FHOD3: variants seen among roughly 807,000 people sequenced by gnomAD.
The protein encoded by FHOD3 is formin homology 2 domain containing 3, also known as FH1/FH2 domain-containing protein 3.
A neutral mutation model predicts 173.0 loss-of-function variants in FHOD3; 90 were observed. The ratio of observed to expected loss-of-function variants is 0.52; its 90% CI spans 0.44 to 0.62. FHOD3 has a LOEUF of 0.62. FHOD3 is among the 20% of genes least tolerant of loss of function. The pLI is 0.00. For missense variants in FHOD3, 1,945 were observed against 2,034.7 expected (o/e 0.96, Z 0.85); for synonymous variants, 828 against 823.0 (o/e 1.01, Z -0.10).
At chr18:36,428,644 T>C (rs1315284995) in intron 3 of FHOD3, among the ~76,000 whole-genome samples, 5 of 152,216 alleles carry the variant, frequency 3.3e-5, no homozygotes, top group African/African-American at 1.2e-4. Context: ...TCTCATCCCT[T>C]CTTTTCCTAG....
intron 14 of FHOD3, among the ~76,000 whole-genome samples, chr18:36,675,384 A>G (rs1236722104): frequency 6.8e-6 from 1 of 147,026 alleles, no homozygotes; most frequent in Non-Finnish European, 1.5e-5. Flanking sequence ...CTCCTTCTCT[A>G]TTTTATCCTC....
intron 7 of FHOD3, among the ~76,000 whole-genome samples, chr18:36,597,617 G>A (rs540035753): frequency 3.3e-5 from 5 of 152,010 alleles, no homozygotes; most frequent in Non-Finnish European, 7.4e-5. Flanking sequence ...TAGTAGAGAT[G>A]GGCTTTCACC....
At chr18:36,473,378 C>A (rs961444915) in intron 3 of FHOD3, among the ~76,000 whole-genome samples, 3 of 152,218 alleles carry the variant, frequency 2.0e-5, no homozygotes, top group Non-Finnish European at 4.4e-5. Flanking sequence ...TGTGCCACTG[C>A]ACTCCAGCCT....
chr18:36,649,242 C>G, intron 10 of FHOD3, 74 bp from the exon 11 acceptor site: 1 of 987,648 alleles, frequency 1.0e-6, no homozygotes, highest in Non-Finnish European at 1.5e-6. Context: ...CTTCATCTTC[C>G]TGTTTGTCTG....
chr18:36,576,433 T>C lies in FHOD3; in HGVS notation c.512-18T>C. On this transcript the variant is annotated intron_variant, in intron 5 of 28. Transcript: ENST00000590592. Reference sequence around the variant, plus strand: ...TATATACATCTATAATGTCTCCTTTTTCTCTTGTTTTCTGTAGCTTTGGGC... The same window carrying C: ...TATATACATCTATAATGTCTCCTTTCTCTCTTGTTTTCTGTAGCTTTGGGC... 1 of 1,585,788 alleles carries C rather than the reference T, an allele frequency of 6.3e-7. No homozygotes were observed. Among genetic ancestry groups the C allele is most frequent in the Non-Finnish European group, 8.6e-7 (1 of 1,157,992 alleles).
intron 3 of FHOD3, among the ~76,000 whole-genome samples, chr18:36,451,571 C>T (rs1195397568): frequency 1.3e-5 from 2 of 152,352 alleles, no homozygotes; most frequent in Admixed American, 6.5e-5. Flanking sequence ...TAGATTGACT[C>T]AGCCAGTCTG....
Position 36,718,281 on chromosome 18 carries a change from A to G in FHOD3, c.2983A>G (p.Met995Val), listed in dbSNP as rs765195457. Residue 995 changes from methionine to valine, a missense_variant, in exon 19 of 29, where the codon ATG becomes GTG. Transcript: ENST00000590592. The part of the protein sequence containing the change: ...ANPRELRIQD[M>V]DFTDLGEEDD... Reference sequence around the variant, plus strand: ...TCCAAGAGAGCTCAGAATCCAAGACATGGATTTCACTGACCTGGGGGAGGA... The same window carrying G: ...TCCAAGAGAGCTCAGAATCCAAGACGTGGATTTCACTGACCTGGGGGAGGA... 2.5e-6 allele frequency: 4 copies of G among 1,614,138 alleles called. No homozygotes were observed. The South Asian group carries it at 4.4e-5, about 18-fold the overall frequency.
chr18:36,538,380 A>C (rs927640404), intron 5 of FHOD3, among the ~76,000 whole-genome samples: 48 of 152,360 alleles, frequency 3.2e-4, no homozygotes, highest in African/African-American at 1.0e-3. Context: ...AATCAAATGA[A>C]GTTGATTGTT....
chr18:36,705,980 TGTGTGTGTGTGC>T (rs1913062239), intron 17 of FHOD3, among the ~76,000 whole-genome samples: 1 of 135,730 alleles, frequency 7.4e-6, no homozygotes, highest in African/African-American at 2.6e-5. Context: ...TGTGTGTGTG[TGTGTGTGTGTGC>T]ACGGAGAGAA....
intron 19 of FHOD3, among the ~76,000 whole-genome samples, chr18:36,727,699 G>T (rs993967564): frequency 2.0e-5 from 3 of 152,120 alleles, no homozygotes; most frequent in Non-Finnish European, 2.9e-5. Context: ...ACTGAGAATG[G>T]GGCCAAGGGC....
At chr18:36,562,026 GTAT>G (rs2058103590) in intron 5 of FHOD3, among the ~76,000 whole-genome samples, 1 of 137,246 alleles carries the variant, frequency 7.3e-6, no homozygotes, top group African/African-American at 2.8e-5. Context: ...GTATTGTATT[GTAT>G]TTTTTGAGAT....
In FHOD3 at chr18:36,450,484, T is replaced by A. The variant is rs981441647; in HGVS notation, c.338-51448T>A. 1.2e-4 allele frequency among the ~76,000 whole-genome samples: 17 copies of A among 145,104 alleles called. No homozygotes were observed. In the East Asian group the frequency reaches 2.5e-3, roughly 21 times the overall value. On this transcript the variant is annotated intron_variant, in intron 3 of 28. Transcript: ENST00000590592. ...ATTTATTTATTTATTTATTTATTTA[T>A]TTAATTTTTAAAGAAAACTCCCTGA...
chr18:36,718,070 G>A lies in FHOD3; in HGVS notation c.2772G>A (p.Arg924=). The A allele has an allele frequency of 6.3e-7, 1 of 1,599,436 alleles. No individual in the cohort carries two copies. Among genetic ancestry groups the A allele is most frequent in the Non-Finnish European group, 8.5e-7 (1 of 1,171,944 alleles). ...CTCAGACCCAGGATGAGAGTGTCAG[G>A]AGGGTGGATGTCGGCTGTTTGGACA... ...ANSQTQDESV[R]RVDVGCLDNR... The change falls in exon 19 of 29, where the codon AGG becomes AGA. Residue 924 remains arginine, a synonymous_variant. Coordinates refer to ENST00000590592, the MANE Select transcript of FHOD3 (RefSeq NM_001281740.3).
chr18:36,755,346 C>G, intron 25 of FHOD3, 35 bp downstream of exon 25: 1 of 1,305,272 alleles, frequency 7.7e-7, no homozygotes, highest in Admixed American at 2.7e-5. Flanking sequence ...TTATGTCATT[C>G]GTTTTCAAAG....
At chr18:36,595,110 A>G (rs1462040930) in intron 7 of FHOD3, among the ~76,000 whole-genome samples, 1 of 152,160 alleles carries the variant, frequency 6.6e-6, no homozygotes, top group Non-Finnish European at 1.5e-5. Flanking sequence ...TCATGAGCTT[A>G]CCTGGGAGAG....
At chr18:36,657,147 T>C (rs2036481535) in intron 13 of FHOD3, among the ~76,000 whole-genome samples, 1 of 152,244 alleles carries the variant, frequency 6.6e-6, no homozygotes, top group Admixed American at 6.5e-5. Context: ...CTTTGTGTCC[T>C]TATAGTGACT....
intron 27 of FHOD3, among the ~76,000 whole-genome samples, chr18:36,761,558 T>A (rs1385703296): frequency 1.3e-5 from 2 of 152,074 alleles, no homozygotes; most frequent in Non-Finnish European, 2.9e-5. Flanking sequence ...CCGCGGCGCT[T>A]CTCCGCACGC....
chr18:36,303,650 C>G (rs1457127929), intron 1 of FHOD3, among the ~76,000 whole-genome samples: 3 of 151,888 alleles, frequency 2.0e-5, no homozygotes, highest in African/African-American at 7.3e-5. Context: ...TATTTTATCT[C>G]TCTCTGACGA....
intron 9 of FHOD3, among the ~76,000 whole-genome samples, chr18:36,622,303 G>A (rs556417706): frequency 7.2e-5 from 11 of 152,212 alleles, no homozygotes; most frequent in Non-Finnish European, 1.5e-4. Flanking sequence ...CGTACACTTA[G>A]AATCTGATAA....
Sources: allele counts gnomAD v4.1 joint callset (sites outside exome capture counted in the v4.1 genomes callset), GRCh38; gene constraint gnomAD v4.1.1; transcripts MANE v1.5; gene names NCBI Gene and HGNC (gene_info 2026-07-23, HGNC 2026-07-21).